KIF16B: variants seen among roughly 807,000 people sequenced by gnomAD.
The protein encoded by KIF16B is kinesin family member 16B.
Under a neutral mutation model 156.3 loss-of-function variants are expected in KIF16B, and 98 were observed. The ratio of observed to expected loss-of-function variants is 0.63; its 90% CI spans 0.53 to 0.74. The LOEUF is 0.74. KIF16B is among the 30% of genes least tolerant of loss of function. The pLI is 0.00. For missense variants in KIF16B, 1,421 were observed against 1,606.5 expected, an observed-to-expected ratio of 0.88 and a Z score of 1.97; for synonymous variants, 564 against 583.7, an observed-to-expected ratio of 0.97 and a Z score of 0.49.
intron 1 of KIF16B, among the ~76,000 whole-genome samples, chr20:16,534,518 T>C (rs534805890): frequency 1.3e-5 from 2 of 152,346 alleles, no homozygotes; most frequent in South Asian, 2.1e-4. Flanking sequence ...CAGTTTAACA[T>C]AGCCCCTTCT....
At chr20:16,284,506 C>T (rs140033864) in intron 25 of KIF16B, among the ~76,000 whole-genome samples, 1 of 152,300 alleles carries the variant, frequency 6.6e-6, no homozygotes, top group African/African-American at 2.4e-5. Context: ...TTTTTACTTT[C>T]ACTCTCTCTT....
At chr20:16,456,024 G>A (rs185724616) in intron 12 of KIF16B, among the ~76,000 whole-genome samples, 302 of 152,040 alleles carry the variant, frequency 2.0e-3, no homozygotes, top group Non-Finnish European at 3.4e-3. Flanking sequence ...TTTCTAGGGC[G>A]TTTCTTACAA....
chr20:16,504,572 A>ATTC (rs1439038355), intron 9 of KIF16B, 25 bp from the exon 10 acceptor site: 1 of 1,602,138 alleles, frequency 6.2e-7, no homozygotes, highest in East Asian at 2.2e-5. Context: ...TTCAAAAAAT[A>ATTC]ATTTATCCAG....
chr20:16,345,940 C>T (rs371827767), intron 23 of KIF16B, among the ~76,000 whole-genome samples: 6 of 152,322 alleles, frequency 3.9e-5, no homozygotes, highest in African/African-American at 7.2e-5. Flanking sequence ...ACTTTGGGAA[C>T]GTTCACCGGC....
intron 23 of KIF16B, among the ~76,000 whole-genome samples, chr20:16,355,018 G>A (rs2064410780): frequency 6.7e-6 from 1 of 149,298 alleles, no homozygotes; most frequent in Non-Finnish European, 1.5e-5. Flanking sequence ...TATATAAACT[G>A]ATGCCCTGTT....
intron 15 of KIF16B, among the ~76,000 whole-genome samples, chr20:16,426,465 G>A (rs1448637942): frequency 6.6e-6 from 1 of 152,170 alleles, no homozygotes; most frequent in Non-Finnish European, 1.5e-5. Context: ...AACTAAATAT[G>A]GGACCCACAA....
At chr20:16,559,037 C>T (rs947106639) in intron 1 of KIF16B, among the ~76,000 whole-genome samples, 6 of 151,972 alleles carry the variant, frequency 3.9e-5, no homozygotes, top group Admixed American at 6.6e-5. Context: ...TCTCTGCTCA[C>T]GGTTTCTAAT....
In KIF16B at chr20:16,319,654, G is replaced by A. The variant is rs116609628; in HGVS notation, c.3712-7236C>T. The stretch of plus-strand genomic sequence containing the variant: ...AACAGTAATTCCAGAATCTCTGGAG[G>A]CTCAAATATAGACTAGTGTGATTGT... On this transcript the variant is annotated intron_variant, in intron 24 of 25. Coordinates refer to ENST00000354981, the MANE Select transcript of KIF16B (RefSeq NM_024704.5). Among the ~76,000 whole-genome samples, 1,100 of 152,286 alleles carry A rather than the reference G, an allele frequency of 7.2e-3. 9 individuals carry two copies. The highest frequency in any genetic ancestry group is 0.025 in the African/African-American group (1,043 of 41,572).
chr20:16,369,064 G>A (rs1381144301), intron 22 of KIF16B: 1 of 985,724 alleles, frequency 1.0e-6, no homozygotes, highest in Non-Finnish European at 1.2e-6. Flanking sequence ...CTCGGGTACT[G>A]AGGACTGATC....
At chr20:16,486,739 T>C (rs971653753) in intron 12 of KIF16B, among the ~76,000 whole-genome samples, 1 of 152,164 alleles carries the variant, frequency 6.6e-6, no homozygotes, top group Non-Finnish European at 1.5e-5. Flanking sequence ...GTACTTTCTA[T>C]CTTTAGAATG....
intron 15 of KIF16B, among the ~76,000 whole-genome samples, chr20:16,415,494 A>G (rs1260244337): frequency 2.0e-5 from 3 of 152,072 alleles, no homozygotes; most frequent in Non-Finnish European, 4.4e-5. Context: ...AAGCTGCATC[A>G]TCTTCACCTC....
chr20:16,469,507 T>C (rs2067596746), intron 12 of KIF16B, among the ~76,000 whole-genome samples: 1 of 150,556 alleles, frequency 6.6e-6, no homozygotes, highest in South Asian at 2.1e-4. Flanking sequence ...ATGTATAGCA[T>C]TCAATGCGTG....
At chr20:16,540,705 T>C (rs6044097) in intron 1 of KIF16B, among the ~76,000 whole-genome samples, 80,224 of 151,894 alleles carry the variant, frequency 0.53, 21,322 homozygotes, top group Non-Finnish European at 0.55. Flanking sequence ...CACAAAGCAT[T>C]CTAATACCCT....
At chr20:16,486,130 G>A (rs2068107946) in intron 12 of KIF16B, among the ~76,000 whole-genome samples, 1 of 152,130 alleles carries the variant, frequency 6.6e-6, no homozygotes, top group Non-Finnish European at 1.5e-5. Flanking sequence ...CTTTACAGAA[G>A]AATACCCAAT....
intron 15 of KIF16B, among the ~76,000 whole-genome samples, chr20:16,417,970 A>T (rs977100937): frequency 6.6e-6 from 1 of 152,088 alleles, no homozygotes; most frequent in Non-Finnish European, 1.5e-5. Context: ...GGGAAAAAAA[A>T]ATTAACAAAT....
intron 17 of KIF16B, among the ~76,000 whole-genome samples, chr20:16,386,935 A>G (rs2065243514): frequency 6.6e-6 from 1 of 152,188 alleles, no homozygotes; most frequent in Non-Finnish European, 1.5e-5. Context: ...AATACTAGCT[A>G]TTAATCCTAT....
rs1249957380 is a variant in KIF16B at position 16,506,027 on chromosome 20, G to A, written c.863C>T (p.Ala288Val). ...GGAGCCAGGCGTAAGCATACCTAAG[G>A]CAGAAATGACGTTCCCCAGAGTCAC... ...SLVTLGNVIS[A>V]LADLSQDAAN... is the part of the protein sequence containing the mutation. The change falls in exon 8 of 26, where the codon GCC becomes GTC. Residue 288 changes from alanine to valine, a missense_variant. Transcript: ENST00000354981. 3.1e-6 allele frequency: 5 copies of A among 1,613,978 alleles called. No homozygotes were observed. The highest frequency in any genetic ancestry group is 3.4e-6 in the Non-Finnish European group (4 of 1,179,976).
At chr20:16,425,170 G>A (rs2066321300) in intron 15 of KIF16B, among the ~76,000 whole-genome samples, 1 of 152,024 alleles carries the variant, frequency 6.6e-6, no homozygotes, top group Non-Finnish European at 1.5e-5. Flanking sequence ...GTTAGTTTGA[G>A]GAAAGCACAA....
intron 12 of KIF16B, among the ~76,000 whole-genome samples, chr20:16,489,204 C>A (rs1348707182): frequency 1.3e-5 from 2 of 152,122 alleles, no homozygotes; most frequent in African/African-American, 4.8e-5. Flanking sequence ...GTCCTTGCTG[C>A]AGGAGCTGGG....
Sources: gnomAD v4.1 joint callset for allele counts (sites outside exome capture counted in the v4.1 genomes callset) on GRCh38, gnomAD v4.1.1 for gene constraint, MANE v1.5 for transcripts, NCBI Gene and HGNC (gene_info 2026-07-23, HGNC 2026-07-21) for gene names.